The following FRYL variants were observed in gnomAD, a reference collection of about 807,000 sequenced individuals.
FRYL encodes the protein FRY like transcription coactivator.
FRYL carries 150 observed loss-of-function variants against 351.2 expected under a neutral mutation model. The ratio of observed to expected loss-of-function variants is 0.43; its 90% CI spans 0.37 to 0.49. FRYL has a LOEUF of 0.49. Among genes scored for constraint, FRYL ranks in the 20% least tolerant of loss-of-function variants. The probability of loss-of-function intolerance (pLI) is 0.00; values close to 1 mark genes in which losing one functional copy is unlikely to be tolerated. For missense variants in FRYL, 3,036 were observed against 3,619.3 expected, an observed-to-expected ratio of 0.84 and a Z score of 4.13; for synonymous variants, 1,153 against 1,257.1, an observed-to-expected ratio of 0.92 and a Z score of 1.75.
intron 11 of FRYL, among the ~76,000 whole-genome samples, chr4:48,605,055 A>T (rs1350773691): frequency 6.6e-6 from 1 of 152,218 alleles, no homozygotes; most frequent in African/African-American, 2.4e-5. Context: ...TGACTTATAC[A>T]TGATAGCCTG....
intron 1 of FRYL, among the ~76,000 whole-genome samples, chr4:48,743,224 C>T (rs561692309): frequency 1.3e-5 from 2 of 152,130 alleles, no homozygotes; most frequent in East Asian, 3.9e-4. Context: ...ACTGAATTTA[C>T]AAGCCTTTCA....
intron 1 of FRYL, among the ~76,000 whole-genome samples, chr4:48,751,838 A>AC (rs1773276004): frequency 1.4e-5 from 2 of 145,544 alleles, no homozygotes; most frequent in African/African-American, 5.0e-5. Flanking sequence ...AAGAGATTCA[A>AC]TTTTTTTTTT....
intron 18 of FRYL, 58 bp from the exon 19 acceptor site, chr4:48,586,786 CA>C: frequency 8.5e-7 from 1 of 1,173,294 alleles, no homozygotes; most frequent in Non-Finnish European, 1.2e-6. Context: ...ACAATGAAAT[CA>C]AACTTGGAAA....
intron 55 of FRYL, among the ~76,000 whole-genome samples, chr4:48,519,555 T>C (rs889062366): frequency 4.0e-5 from 6 of 151,854 alleles, no homozygotes; most frequent in Admixed American, 6.6e-5. Context: ...CAGGTTGGAC[T>C]GCAGTGGCGC....
chr4:48,734,063 C>G (rs564521973), intron 1 of FRYL, among the ~76,000 whole-genome samples: 1 of 152,106 alleles, frequency 6.6e-6, no homozygotes, highest in South Asian at 2.1e-4. Flanking sequence ...CCAACTACAT[C>G]AATAATCACT....
At chr4:48,705,340 C>T (rs1767209616) in intron 2 of FRYL, among the ~76,000 whole-genome samples, 1 of 150,092 alleles carries the variant, frequency 6.7e-6, no homozygotes, top group Non-Finnish European at 1.5e-5. Context: ...AGATTATAAA[C>T]AATCCAAGTC....
chr4:48,745,061 G>A (rs955657148), intron 1 of FRYL, among the ~76,000 whole-genome samples: 2 of 152,176 alleles, frequency 1.3e-5, no homozygotes, highest in African/African-American at 4.8e-5. Context: ...AAGCTAGGCT[G>A]GAATTTGGAT....
At chr4:48,706,728 G>A (rs898254139) in intron 2 of FRYL, among the ~76,000 whole-genome samples, 3 of 152,134 alleles carry the variant, frequency 2.0e-5, no homozygotes, top group Non-Finnish European at 2.9e-5. Flanking sequence ...GTTACAGAAA[G>A]AGCTTGGTTT....
intron 20 of FRYL, among the ~76,000 whole-genome samples, chr4:48,581,919 CAG>C (rs1741008532): frequency 6.6e-6 from 1 of 152,188 alleles, no homozygotes; most frequent in Admixed American, 6.5e-5. Flanking sequence ...CTTTCACACT[CAG>C]AGTGTGGACC....
At chr4:48,612,497 C>CGTGTGTGT (rs10657991) in intron 7 of FRYL, among the ~76,000 whole-genome samples, 701 of 150,058 alleles carry the variant, frequency 4.7e-3, no homozygotes, top group Middle Eastern at 0.017. Context: ...TGTGTGTGCA[C>CGTGTGTGT]GTGTGTGTGT....
chr4:48,742,456 T>C (rs779831417), intron 1 of FRYL, among the ~76,000 whole-genome samples: 5 of 152,192 alleles, frequency 3.3e-5, no homozygotes, highest in Non-Finnish European at 7.4e-5. Flanking sequence ...TCATGTTGGA[T>C]GCCACAGGAC....
At chr4:48,565,240 T>C (rs2149077148) in intron 29 of FRYL, among the ~76,000 whole-genome samples, 197 bp from the exon 30 acceptor site, 1 of 151,324 alleles carries the variant, frequency 6.6e-6, no homozygotes, top group Middle Eastern at 3.4e-3. Context: ...TGAACAGTAC[T>C]GGAAGGGAAG....
chr4:48,512,464 C>T lies in FRYL; in HGVS notation c.8145+17G>A. 1 of 1,582,884 alleles carries T rather than the reference C, an allele frequency of 6.3e-7. No individual in the cohort carries two copies. Among genetic ancestry groups the T allele is most frequent in the Non-Finnish European group, 8.7e-7 (1 of 1,153,796 alleles). Reference sequence around the variant, plus strand: ...GGTAACTATAATATGAATTCAGAAACCCTGAACCTCACTGACCTGAAACAG... The same window carrying T: ...GGTAACTATAATATGAATTCAGAAATCCTGAACCTCACTGACCTGAAACAG... On this transcript the variant is annotated intron_variant, in intron 57 of 63. Coordinates refer to ENST00000358350, the MANE Select transcript of FRYL (RefSeq NM_015030.2).
At chr4:48,527,895 AG>A in intron 52 of FRYL, 75 bp downstream of exon 52, 1 of 1,240,754 alleles carries the variant, frequency 8.1e-7, no homozygotes, top group Non-Finnish European at 1.1e-6. Flanking sequence ...AGAAAAGGCA[AG>A]CAAGGAGACA....
intron 33 of FRYL, among the ~76,000 whole-genome samples, chr4:48,561,066 C>T (rs142745286): frequency 8.5e-5 from 13 of 152,306 alleles, no homozygotes; most frequent in Admixed American, 5.2e-4. Context: ...TTAGGGGTTT[C>T]GCTCACGGAA....
At chr4:48,530,458 A>T (rs1010100895) in intron 50 of FRYL, among the ~76,000 whole-genome samples, 4 of 152,134 alleles carry the variant, frequency 2.6e-5, no homozygotes, top group Non-Finnish European at 4.4e-5. Context: ...TCCTGTGGCT[A>T]GAGTGATCCT....
chr4:48,535,788 C>T lies in FRYL; in HGVS notation c.6433G>A (p.Ala2145Thr). 2 of 1,564,540 alleles carry T rather than the reference C, an allele frequency of 1.3e-6. No individual in the cohort carries two copies. Among genetic ancestry groups the T allele is most frequent in the Non-Finnish European group, 1.7e-6 (2 of 1,151,820 alleles). ...GTACTGTACAAACTCATCATGTGTG[C>T]CAGATTGACAAGTGTTGGGCATTTT... is the stretch of plus-strand genomic sequence containing the variant. The part of the protein sequence containing the change: ...EEKCPTLVNL[A>T]HMMSLYSTHT... The change falls in exon 48 of 64, where the codon GCA becomes ACA. Residue 2145 changes from alanine to threonine, a missense_variant. By Grantham distance (58) the Ala-to-Thr change is moderately conservative. Around this residue, in one of 7 missense-constraint regions of FRYL, gnomAD observed 1,987 missense variants for 2,311.7 expected, o/e 0.86. Coordinates refer to ENST00000358350, the MANE Select transcript of FRYL (RefSeq NM_015030.2).
intron 2 of FRYL, among the ~76,000 whole-genome samples, chr4:48,688,395 A>G (rs1186033420): frequency 1.3e-5 from 2 of 152,232 alleles, no homozygotes; most frequent in Non-Finnish European, 2.9e-5. Context: ...AAGATGGTGT[A>G]AAACAAGAAA....
chr4:48,558,767 T>C (rs993403746), intron 33 of FRYL, among the ~76,000 whole-genome samples: 8 of 152,188 alleles, frequency 5.3e-5, no homozygotes, highest in Non-Finnish European at 1.0e-4. Context: ...ATGACAAACC[T>C]GTGAGGTGGG....
Sources: gnomAD v4.1 joint callset for allele counts (sites outside exome capture counted in the v4.1 genomes callset) on GRCh38, gnomAD v4.1.1 for gene constraint, gnomAD v4.1.1 regional missense constraint, MANE v1.5 for transcripts, NCBI Gene and HGNC (gene_info 2026-07-23, HGNC 2026-07-21) for gene names.